The following RC3H1 variants were observed in gnomAD, a reference collection of about 807,000 sequenced individuals.
RC3H1 encodes ring finger and CCCH-type domains 1.
Under a neutral mutation model 138.2 loss-of-function variants are expected in RC3H1, and 50 were observed. The observed-to-expected ratio is 0.36, with a 90% CI of 0.29 to 0.46. The LOEUF (loss-of-function observed/expected upper bound fraction) is 0.46, where lower values mean the gene tolerates loss of function less well. Ranked by LOEUF, RC3H1 falls within the 20% of genes least tolerant of loss-of-function variation. The pLI is 1.00. For synonymous variants in RC3H1, 462 were observed against 489.1 expected (o/e 0.94, Z 0.73); for missense variants, 1,031 against 1,388.1 (o/e 0.74, Z 4.09).
chr1:173,975,761 A>C (rs1293761226), intron 7 of RC3H1, among the ~76,000 whole-genome samples: 1 of 95,216 alleles, frequency 1.1e-5, no homozygotes, highest in Non-Finnish European at 1.8e-5. Context: ...AGCCGGGCGT[A>C]GTGGCGGGCG....
At chr1:173,963,941 A>T in intron 11 of RC3H1, 32 bp downstream of exon 11, 1 of 1,569,744 alleles carries the variant, frequency 6.4e-7, no homozygotes, top group South Asian at 1.1e-5. Flanking sequence ...AATTCCTAAG[A>T]AAAGTTAGCA....
Position 173,946,788 on chromosome 1 carries a change from G to A in RC3H1, c.2786C>T (p.Ser929Leu). 3 of 1,613,868 alleles carry A rather than the reference G, an allele frequency of 1.9e-6. No homozygotes were observed. Among genetic ancestry groups the A allele is most frequent in the Non-Finnish European group, 2.5e-6 (3 of 1,179,750 alleles). The change falls in exon 16 of 20, where the codon TCA becomes TTA. Residue 929 changes from serine (S) to leucine (L), a missense_variant. Physicochemically the swap from Ser to Leu is moderately radical, Grantham distance 145. Coordinates refer to ENST00000367696, the MANE Select transcript of RC3H1 (RefSeq NM_172071.4). The stretch of plus-strand genomic sequence containing the variant: ...CTGAGAAGGTATGTTTTGATGAGGT[G>A]AATATGGAGAAGCTCCCCAGCCACC... ...THGGWGASPY[S>L]PHQNIPSQGH...
chr1:173,974,231 G>C (rs1185967909), intron 7 of RC3H1, among the ~76,000 whole-genome samples: 2 of 124,502 alleles, frequency 1.6e-5, no homozygotes, highest in African/African-American at 3.1e-5. Context: ...AGTGAGCTGA[G>C]ATTGCACCAC....
chr1:173,982,760 A>C lies in RC3H1; in HGVS notation c.735T>G (p.Val245=). Reference sequence around the variant, plus strand: ...AGGAGGCTCTATAAAGGAGCTGAACAACATGCCCAATGCTAGTTTTAGAGG... The same window carrying C: ...AGGAGGCTCTATAAAGGAGCTGAACCACATGCCCAATGCTAGTTTTAGAGG... The part of the protein sequence containing the change: ...PQASKTSIGH[V]VQLLYRASCF... The change falls in exon 5 of 20, where the codon GTT becomes GTG. Residue 245 remains valine, a synonymous_variant. Transcript: ENST00000367696. 1 of 1,613,406 alleles carries C rather than the reference A, an allele frequency of 6.2e-7. No homozygotes were observed. The highest frequency in any genetic ancestry group is 8.5e-7 in the Non-Finnish European group (1 of 1,179,660).
rs376361430 is a variant in RC3H1 at position 173,946,714 on chromosome 1, A to G, written c.2828+32T>C. 1.8e-5 allele frequency: 29 copies of G among 1,597,770 alleles called. No individual in the cohort carries two copies. The African/African-American group carries it at 3.5e-4, about 19-fold the overall frequency. The stretch of plus-strand genomic sequence containing the variant: ...GTTGCCTAATTTTAAAGGTTTCTAC[A>G]TGTTTGTTCAAGTAAAAAGAATGAC... On this transcript the variant is annotated intron_variant, in intron 16 of 19. Coordinates refer to ENST00000367696, the MANE Select transcript of RC3H1 (RefSeq NM_172071.4).
At chr1:173,978,453 A>G (rs1454350565) in intron 7 of RC3H1, 35 bp downstream of exon 7, 2 of 1,610,564 alleles carry the variant, frequency 1.2e-6, no homozygotes, top group East Asian at 2.2e-5. Context: ...CGAAAGGCAC[A>G]TATAAGATAG....
chr1:173,996,136 C>A (rs889111742), intron 1 of RC3H1, among the ~76,000 whole-genome samples: 1 of 152,128 alleles, frequency 6.6e-6, no homozygotes, highest in African/African-American at 2.4e-5. Context: ...CGCCTGTAAT[C>A]CCAGCTACTC....
intron 6 of RC3H1, 32 bp from the exon 7 acceptor site, chr1:173,978,652 G>A: frequency 6.3e-7 from 1 of 1,584,000 alleles, no homozygotes; most frequent in Non-Finnish European, 8.6e-7. Flanking sequence ...CTTTCCCAAA[G>A]GTCAGATAAT....
intron 13 of RC3H1, among the ~76,000 whole-genome samples, chr1:173,959,427 CA>C: frequency 6.6e-6 from 1 of 152,070 alleles, no homozygotes; most frequent in African/African-American, 2.4e-5. Flanking sequence ...AAAGAAAATC[CA>C]AATAAATGAA....
In RC3H1 at chr1:173,984,576, T is replaced by A. The variant is rs570710566; in HGVS notation, c.275A>T (p.Asp92Val). Reference protein sequence around the residue: ...QPITLCSGVEDTKHYEEAKKC... With the variant: ...QPITLCSGVEVTKHYEEAKKC... ...CTTGGCTTCCTCATAATGCTTTGTG[T>A]CTTCAACCCCACTACACAAAGTAAT... The change falls in exon 3 of 20, where the codon GAC (aspartate) becomes GTC (valine). Residue 92 changes from aspartate (D) to valine (V), a missense_variant. Around this residue, in one of 7 missense-constraint regions of RC3H1, gnomAD observed 80 missense variants for 81.1 expected, o/e 0.99. Transcript: ENST00000367696. The A allele has an allele frequency of 4.3e-6, 7 of 1,614,068 alleles. No individual in the cohort carries two copies. In the East Asian group the frequency reaches 1.6e-4, roughly 36 times the overall value.
At position 173,948,385 on chromosome 1, in the gene RC3H1, A is replaced by G. The variant is rs118064096; in HGVS notation, c.2524-803T>C. ...AATGCTTCCTGATTAATCAATCACT[A>G]ATAAAAGCCAATTCAATCTTGAAGA... is the stretch of plus-strand genomic sequence containing the variant. On this transcript the variant is annotated intron_variant, in intron 14 of 19. Transcript: ENST00000367696. Among the ~76,000 whole-genome samples the G allele has an allele frequency of 2.1e-4, 32 of 151,622 alleles. No homozygotes were observed. In the East Asian group the frequency reaches 5.8e-3, roughly 27 times the overall value.
Position 173,993,095 on chromosome 1 carries a change from A to C in RC3H1, c.-110T>G. 1 of 767,424 alleles carries C rather than the reference A, an allele frequency of 1.3e-6. No individual in the cohort carries two copies. Among genetic ancestry groups the C allele is most frequent in the Non-Finnish European group, 2.1e-6 (1 of 471,768 alleles). The allele number at this position is 767,424 out of a possible 1,614,324, so 47.5% of individuals were successfully genotyped here. ...AAGTTTATCTTTTTTTTTTTTAAAT[A>C]TCTTCTGTAGATACAGTCAGCACAT... On this transcript the variant is annotated 5_prime_UTR_variant, in exon 2 of 20. Coordinates refer to ENST00000367696, the MANE Select transcript of RC3H1 (RefSeq NM_172071.4).
chr1:173,985,450 C>CTTCTACATTTTATGTAGAAAGATAA (rs1557943906), intron 2 of RC3H1, among the ~76,000 whole-genome samples: 6 of 152,040 alleles, frequency 3.9e-5, no homozygotes, highest in African/African-American at 1.4e-4. Flanking sequence ...AAAGATAATT[C>CTTCTACATTTTATGTAGAAAGATAA]TTCTACTCAT....
chr1:173,985,877 A>G (rs969541007), intron 2 of RC3H1, among the ~76,000 whole-genome samples: 2 of 152,132 alleles, frequency 1.3e-5, no homozygotes, highest in Non-Finnish European at 2.9e-5. Flanking sequence ...ATCCATTTGT[A>G]TATCTTCTCT....
At chr1:174,007,624 G>A (rs754088600) in intron 1 of RC3H1, among the ~76,000 whole-genome samples, 5 of 151,832 alleles carry the variant, frequency 3.3e-5, no homozygotes, top group Non-Finnish European at 7.4e-5. Flanking sequence ...CCACCATGCC[G>A]GGCAACTTTT....
Position 173,992,985 on chromosome 1 carries a change from T to TACAGG in RC3H1, c.-1_1insCCTGT. The stretch of plus-strand genomic sequence containing the variant: ...GTCCATTGTGGAGCTTGTACAGGCA[T>TACAGG]TGCTTCTGGAGTTACAATTCACGAA... On this transcript the variant is annotated 5_prime_UTR_variant, in exon 2 of 20. Coordinates refer to ENST00000367696, the MANE Select transcript of RC3H1 (RefSeq NM_172071.4). 1 of 1,607,668 alleles carries TACAGG rather than the reference T, an allele frequency of 6.2e-7. No individual in the cohort carries two copies. The highest frequency in any genetic ancestry group is 8.5e-7 in the Non-Finnish European group (1 of 1,174,364).
chr1:174,011,840 T>C (rs1213182773), intron 1 of RC3H1, among the ~76,000 whole-genome samples: 2 of 152,200 alleles, frequency 1.3e-5, no homozygotes, highest in Non-Finnish European at 2.9e-5. Context: ...GGATTTAGGA[T>C]GCCAATAATG....
At chr1:173,994,360 C>A (rs909350419) in intron 1 of RC3H1, among the ~76,000 whole-genome samples, 2 of 152,128 alleles carry the variant, frequency 1.3e-5, no homozygotes, top group Non-Finnish European at 2.9e-5. Flanking sequence ...CCACTGTACT[C>A]CTGCCTGGGC....
chr1:173,981,200 T>A (rs1032775537), intron 5 of RC3H1, among the ~76,000 whole-genome samples, 191 bp from the exon 6 acceptor site: 1 of 152,208 alleles, frequency 6.6e-6, no homozygotes, highest in African/African-American at 2.4e-5. Flanking sequence ...CTGAGTCAAG[T>A]TGGATTTAGG....
Sources: allele counts gnomAD v4.1 joint callset (sites outside exome capture counted in the v4.1 genomes callset), GRCh38; gene constraint gnomAD v4.1.1; regional missense constraint gnomAD v4.1.1; transcripts MANE v1.5; gene names NCBI Gene and HGNC (gene_info 2026-07-23, HGNC 2026-07-21).